The following ABTB3 variants were observed in gnomAD, a reference collection of about 807,000 sequenced individuals.
The protein encoded by ABTB3 is ankyrin repeat and BTB domain containing 3.
At chr12:107,445,091 C>CCCT in the ABTB3 span, among the ~76,000 whole-genome samples, 3 of 152,212 alleles carry the variant, frequency 2.0e-5, no homozygotes, top group Non-Finnish European at 4.4e-5. Flanking sequence ...AAATTAGCTC[C>CCCT]GCTGCTGCTG....
chr12:107,482,985 TTTCCTTCC>T, the ABTB3 span, among the ~76,000 whole-genome samples: 19 of 21,210 alleles, frequency 9.0e-4, no homozygotes, highest in African/African-American at 1.3e-3. Context: ...TCTTTCTTTC[TTTCCTTCC>T]TTCCTTCCTT....
chr12:107,477,071 G>C, the ABTB3 span, among the ~76,000 whole-genome samples: 1 of 152,094 alleles, frequency 6.6e-6, no homozygotes, highest in Non-Finnish European at 1.5e-5. Context: ...TGGCTCCTCA[G>C]GGACATTAAA....
At chr12:107,549,118 A>C in the ABTB3 span, among the ~76,000 whole-genome samples, 1 of 152,232 alleles carries the variant, frequency 6.6e-6, no homozygotes, top group South Asian at 2.1e-4. Flanking sequence ...AATGTCTGCC[A>C]GGGGAATCTC....
the ABTB3 span, among the ~76,000 whole-genome samples, chr12:107,487,371 T>C: frequency 6.6e-6 from 1 of 152,172 alleles, no homozygotes; most frequent in African/African-American, 2.4e-5. Context: ...CTTACGGGGT[T>C]GGAGGTCTAG....
chr12:107,617,018 A>C, the ABTB3 span: 2 of 1,497,012 alleles, frequency 1.3e-6, no homozygotes, highest in Non-Finnish European at 1.9e-6. Flanking sequence ...CACCCATCCC[A>C]GCAGTCTTTC....
At chr12:107,319,718 A>T in the ABTB3 span, 85 of 1,531,744 alleles carry the variant, frequency 5.5e-5, 1 homozygote, top group South Asian at 9.5e-4. Flanking sequence ...GGTGCCCCGG[A>T]GCTGCAGTGG....
the ABTB3 span, among the ~76,000 whole-genome samples, chr12:107,554,561 T>G: frequency 6.6e-6 from 1 of 152,244 alleles, no homozygotes; most frequent in Non-Finnish European, 1.5e-5. Context: ...CAGCACACAT[T>G]AGCCTTTTTA....
At chr12:107,428,881 G>T in the ABTB3 span, among the ~76,000 whole-genome samples, 21 of 152,248 alleles carry the variant, frequency 1.4e-4, no homozygotes, top group African/African-American at 4.1e-4. Context: ...TCCCAGTGAG[G>T]TGGGTGCTGC....
the ABTB3 span, chr12:107,635,184 G>A: frequency 2.0e-6 from 2 of 991,920 alleles, no homozygotes; most frequent in South Asian, 1.6e-5. Context: ...TGCAGTAAAT[G>A]TGTGAGCTCT....
At chr12:107,492,849 C>A in the ABTB3 span, among the ~76,000 whole-genome samples, 1 of 152,090 alleles carries the variant, frequency 6.6e-6, no homozygotes, top group African/African-American at 2.4e-5. Flanking sequence ...GCTTTGTGCC[C>A]TTGAGCAGCC....
At chr12:107,437,909 T>C in the ABTB3 span, among the ~76,000 whole-genome samples, 11 of 152,112 alleles carry the variant, frequency 7.2e-5, no homozygotes, top group Non-Finnish European at 1.5e-4. Context: ...ATAGTGGGTA[T>C]TGGGGGGTGG....
chr12:107,616,525 C>T, the ABTB3 span, among the ~76,000 whole-genome samples: 1 of 152,228 alleles, frequency 6.6e-6, no homozygotes, highest in Non-Finnish European at 1.5e-5. Context: ...TGGAAGCTCA[C>T]TCTGCCACTT....
At chr12:107,535,798 G>A in the ABTB3 span, among the ~76,000 whole-genome samples, 1 of 151,998 alleles carries the variant, frequency 6.6e-6, no homozygotes, top group Non-Finnish European at 1.5e-5. Context: ...TTATGGATTG[G>A]AATAATTAAT....
chr12:107,539,408 C>T, the ABTB3 span, among the ~76,000 whole-genome samples: 38,588 of 152,082 alleles, frequency 0.25, 5,208 homozygotes, highest in Admixed American at 0.35. Flanking sequence ...GAGGCAGGCA[C>T]CCAGCTTAGC....
At chr12:107,320,128 G>A in the ABTB3 span, 2 of 1,363,896 alleles carry the variant, frequency 1.5e-6, no homozygotes, top group East Asian at 2.7e-5. Context: ...CCAACTCTTG[G>A]CGCAAGTTTG....
chr12:107,320,218 C>T, the ABTB3 span: 2 of 1,284,368 alleles, frequency 1.6e-6, no homozygotes, highest in East Asian at 3.0e-5. Context: ...CTGGAGGTAG[C>T]CAGAACAAGA....
the ABTB3 span, among the ~76,000 whole-genome samples, chr12:107,327,088 C>G: frequency 1.3e-5 from 2 of 152,168 alleles, no homozygotes; most frequent in African/African-American, 2.4e-5. Flanking sequence ...TCCCTTGAAC[C>G]TTTGGGGGCC....
chr12:107,420,863 G>T, the ABTB3 span, among the ~76,000 whole-genome samples: 1 of 152,150 alleles, frequency 6.6e-6, no homozygotes, highest in Admixed American at 6.5e-5. Flanking sequence ...CCATCCCACT[G>T]CTTCCTTCTG....
chr12:107,326,985 A>AT, the ABTB3 span, among the ~76,000 whole-genome samples: 13 of 150,996 alleles, frequency 8.6e-5, no homozygotes, highest in African/African-American at 1.5e-4. Flanking sequence ...TGGTGGGAGG[A>AT]TTTTCTTTGT....
Sources: gnomAD v4.1 joint callset for allele counts (sites outside exome capture counted in the v4.1 genomes callset) on GRCh38, gnomAD v4.1.1 for gene constraint, MANE v1.5 for transcripts, NCBI Gene and HGNC (gene_info 2026-07-23, HGNC 2026-07-21) for gene names.